Variants in ABCD3 observed in about 807,000 individuals in gnomAD.
ABCD3 encodes the protein ATP binding cassette subfamily D member 3, also known as ATP-binding cassette sub-family D member 3.
In ABCD3, 41 loss-of-function variants were observed where a neutral mutation model predicts 105.5. The ratio of observed to expected loss-of-function variants is 0.39; its 90% CI spans 0.30 to 0.50. The LOEUF is 0.50. Among genes scored for constraint, ABCD3 ranks in the 20% least tolerant of loss-of-function variants. The pLI, the probability that ABCD3 is intolerant of heterozygous loss-of-function variation, is 0.84. For synonymous variants in ABCD3, 258 were observed against 269.0 expected (o/e 0.96, Z 0.40); for missense variants, 622 against 806.3 (o/e 0.77, Z 2.77).
chr1:94,391,489 C>T, the ABCD3 span, among the ~76,000 whole-genome samples: 2 of 152,292 alleles, frequency 1.3e-5, no homozygotes, highest in South Asian at 4.1e-4. Flanking sequence ...TCTAACAGGC[C>T]TGCCATTTGA....
At chr1:94,435,067 G>A (rs996239956) in intron 1 of ABCD3, among the ~76,000 whole-genome samples, 1 of 151,998 alleles carries the variant, frequency 6.6e-6, no homozygotes, top group Admixed American at 6.6e-5. Flanking sequence ...GAAGCAGCCA[G>A]TTATTTTGAC....
chr1:94,484,792 CAT>C (rs766002452), intron 10 of ABCD3, among the ~76,000 whole-genome samples: 2 of 151,590 alleles, frequency 1.3e-5, no homozygotes, highest in African/African-American at 2.4e-5. Flanking sequence ...TAATCAAAAA[CAT>C]AAAAAAAAAA....
chr1:94,450,316 G>GCC lies in ABCD3; in HGVS notation c.111-8286_111-8285dup, dbSNP rs200417322. Among the ~76,000 whole-genome samples the GCC allele has an allele frequency of 2.3e-3, 356 of 152,248 alleles. 1 individual carries two copies. Among genetic ancestry groups the GCC allele is most frequent in the African/African-American group, 8.4e-3 (347 of 41,538 alleles). Reference sequence around the variant, plus strand: ...AATAAGGGGGACATGTTGGGAACAGGCCCCCCAAATCTGGCCATAAACTGG... The same window carrying GCC: ...AATAAGGGGGACATGTTGGGAACAGGCCCCCCCCAAATCTGGCCATAAACTGG... On this transcript the variant is annotated intron_variant, in intron 1 of 22. Coordinates refer to ENST00000370214, the MANE Select transcript of ABCD3 (RefSeq NM_002858.4).
At chr1:94,467,415 A>C (rs914678637) in intron 3 of ABCD3, among the ~76,000 whole-genome samples, 1 of 152,194 alleles carries the variant, frequency 6.6e-6, no homozygotes, top group Non-Finnish European at 1.5e-5. Context: ...ACTAAATTGA[A>C]AGCCCTATGA....
chr1:94,470,428 G>T (rs1324580111), intron 4 of ABCD3, among the ~76,000 whole-genome samples: 2 of 152,168 alleles, frequency 1.3e-5, no homozygotes, highest in Non-Finnish European at 2.9e-5. Flanking sequence ...TCCAGGGTGG[G>T]TATTGAGGCC....
chr1:94,394,591 G>C, the ABCD3 span, among the ~76,000 whole-genome samples: 1 of 152,186 alleles, frequency 6.6e-6, no homozygotes, highest in Non-Finnish European at 1.5e-5. Flanking sequence ...TTTTTATTAA[G>C]GGGGAGTCTG....
Position 94,464,782 on chromosome 1 carries a change from G to T in ABCD3, c.155G>T (p.Gly52Val), listed in dbSNP as rs142075958. The T allele has an allele frequency of 4.4e-3, 7,075 of 1,613,052 alleles. 56 individuals are homozygous for T. The highest frequency in any genetic ancestry group is 3.8e-3 in the Non-Finnish European group (4,473 of 1,179,506). Residue 52 changes from glycine to valine, a missense_variant, in exon 3 of 23, where the codon GGG (glycine) becomes GTG (valine). By Grantham distance (109) the Gly-to-Val change is moderately radical (BLOSUM62 -3). This residue lies in a region of ABCD3 where 89 missense variants were observed against 77.5 expected (regional missense o/e 1.15). Coordinates refer to ENST00000370214, the MANE Select transcript of ABCD3 (RefSeq NM_002858.4). ...TTCTTTTTTTTAATGCAGAAAGAGG[G>T]GAAAAAGGAGCGAGCTGTGGTGGAC... The part of the protein sequence containing the change: ...KPPLQNNEKE[G>V]KKERAVVDKV...
upstream of ABCD3, among the ~76,000 whole-genome samples, chr1:94,417,949 CTG>C (rs575662657): frequency 4.1e-3 from 622 of 152,308 alleles, 1 homozygote; most frequent in Non-Finnish European, 6.9e-3. Flanking sequence ...CTGATAATCA[CTG>C]TGCTGTGTTT....
intron 7 of ABCD3, among the ~76,000 whole-genome samples, chr1:94,477,229 A>G: frequency 1.3e-4 from 1 of 7,780 alleles, no homozygotes. Context: ...TTATAAGGCA[A>G]AAAAAAAAAA....
intron 1 of ABCD3, among the ~76,000 whole-genome samples, chr1:94,450,751 C>T (rs553118534): frequency 1.7e-4 from 26 of 152,262 alleles, no homozygotes; most frequent in African/African-American, 1.2e-4. Flanking sequence ...CCTCTAGTGC[C>T]GCTGGGTTAG....
chr1:94,501,837 T>C (rs1275712604), intron 20 of ABCD3, among the ~76,000 whole-genome samples: 2 of 152,072 alleles, frequency 1.3e-5, no homozygotes, highest in Non-Finnish European at 2.9e-5. Context: ...ACCACTGTTA[T>C]AAAATTTTTA....
chr1:94,510,381 A>G (rs1260168086), intron 21 of ABCD3, among the ~76,000 whole-genome samples: 9 of 152,052 alleles, frequency 5.9e-5, no homozygotes, highest in Non-Finnish European at 1.0e-4. Context: ...CTGTTCTTTT[A>G]CATTTGCTGA....
Position 94,487,792 on chromosome 1 carries a change from G to C in ABCD3, c.1065+1G>C. On this transcript the variant is annotated splice_donor_variant, in intron 12 of 22. Coordinates refer to ENST00000370214, the MANE Select transcript of ABCD3 (RefSeq NM_002858.4). LOFTEE classifies it high-confidence loss of function. Reference sequence around the variant, plus strand: ...GAGTACACATTCGGAACTTCTAGAGGTAAACTGATGATAATACAATGAAAA... The same window carrying C: ...GAGTACACATTCGGAACTTCTAGAGCTAAACTGATGATAATACAATGAAAA... 1.2e-6 allele frequency: 2 copies of C among 1,613,214 alleles called. No homozygotes were observed. The highest frequency in any genetic ancestry group is 1.7e-6 in the Non-Finnish European group (2 of 1,179,348).
intron 5 of ABCD3, 62 bp from the exon 6 acceptor site, chr1:94,475,081 A>C: frequency 1.9e-6 from 2 of 1,047,900 alleles, no homozygotes; most frequent in Non-Finnish European, 2.9e-6. Context: ...TAGAGAAATA[A>C]ATTATAGTTT....
At chr1:94,460,595 T>C (rs900602955) in intron 2 of ABCD3, among the ~76,000 whole-genome samples, 20 of 152,160 alleles carry the variant, frequency 1.3e-4, no homozygotes, top group African/African-American at 3.6e-4. Context: ...ATGCTAGTTA[T>C]GGTATCCTTA....
At chr1:94,473,728 T>G in intron 4 of ABCD3, 38 bp from the exon 5 acceptor site, 1 of 1,553,244 alleles carries the variant, frequency 6.4e-7, no homozygotes, top group Non-Finnish European at 8.9e-7. Context: ...AGATTTTGCT[T>G]CTTTTGCAAC....
intron 10 of ABCD3, among the ~76,000 whole-genome samples, chr1:94,486,085 G>A (rs975079944): frequency 4.0e-5 from 6 of 151,850 alleles, no homozygotes; most frequent in African/African-American, 1.2e-4. Flanking sequence ...CCAGCTACTC[G>A]GGAGGCTGAG....
rs74102160 is a variant in ABCD3, at chr1:94,423,960, A to G, written c.110+5372A>G. ...TCACAGGCGCACTGGGTGTTTTGCAAAGTGCAAGCATGAATCATGTGAGGG... is the reference window on the plus strand; with the variant it reads ...TCACAGGCGCACTGGGTGTTTTGCAGAGTGCAAGCATGAATCATGTGAGGG... On this transcript the variant is annotated intron_variant, in intron 1 of 22. Transcript: ENST00000370214. 3.0e-3 allele frequency among the ~76,000 whole-genome samples: 457 copies of G among 152,294 alleles called. 2 individuals carry two copies. The highest frequency in any genetic ancestry group is 5.5e-3 in the African/African-American group (228 of 41,558).
chr1:94,421,778 AG>A (rs1353610538), intron 1 of ABCD3, among the ~76,000 whole-genome samples: 1 of 152,098 alleles, frequency 6.6e-6, no homozygotes, highest in Non-Finnish European at 1.5e-5. Context: ...AAGCCTAGAA[AG>A]GGGGTAGGAG....
Sources: allele counts gnomAD v4.1 joint callset (sites outside exome capture counted in the v4.1 genomes callset), GRCh38; gene constraint gnomAD v4.1.1; regional missense constraint gnomAD v4.1.1; transcripts MANE v1.5; gene names NCBI Gene and HGNC (gene_info 2026-07-23, HGNC 2026-07-21).